NPAS3: variants seen among roughly 807,000 people sequenced by gnomAD.
The protein encoded by NPAS3 is neuronal PAS domain-containing protein 3.
In NPAS3, 14 loss-of-function variants were observed where a neutral mutation model predicts 73.1. The ratio of observed to expected loss-of-function variants is 0.19; its 90% CI spans 0.13 to 0.30. The LOEUF is 0.30. Among genes scored for constraint, NPAS3 ranks in the 10% least tolerant of loss-of-function variants. The probability of loss-of-function intolerance (pLI) is 1.00; values close to 1 mark genes in which losing one functional copy is unlikely to be tolerated. For missense variants in NPAS3, 1,096 were observed against 1,250.0 expected (o/e 0.88, Z 1.86); for synonymous variants, 620 against 541.5 (o/e 1.14, Z -2.01).
chr14:32,938,464 AGAGAGAGAGAGAGAGAGAAATT>A (rs1566779112), upstream of NPAS3, among the ~76,000 whole-genome samples: 12 of 78,776 alleles, frequency 1.5e-4, 1 homozygote, highest in African/African-American at 3.2e-4. Flanking sequence ...AGAAAGAGAG[AGAGAGAGAGAGAGAGAGAAATT>A]GAGAGAGAGA....
chr14:33,509,448 G>A (rs1376084487), intron 4 of NPAS3, among the ~76,000 whole-genome samples: 3 of 151,988 alleles, frequency 2.0e-5, no homozygotes. Flanking sequence ...AAAGCAGACA[G>A]ATCTAAGACC....
At chr14:33,313,657 G>A (rs1238167869) in intron 3 of NPAS3, among the ~76,000 whole-genome samples, 8 of 152,050 alleles carry the variant, frequency 5.3e-5, no homozygotes, top group Non-Finnish European at 1.2e-4. Flanking sequence ...GAGGCCAATT[G>A]AAATTATTTG....
At position 33,158,888 on chromosome 14, in the gene NPAS3, C is replaced by T. The variant is rs116301346; in HGVS notation, c.141-56294C>T. Among the ~76,000 whole-genome samples, 1,275 of 152,280 alleles carry T rather than the reference C, an allele frequency of 8.4e-3. 13 individuals are homozygous for T. The highest frequency in any genetic ancestry group is 0.028 in the African/African-American group (1,173 of 41,544). ...CTCTTTTACAAAATTACTGGCCGGG[C>T]GCAGTGGCTAATGCCTGTAATCCCA... On this transcript the variant is annotated intron_variant, in intron 2 of 11. Coordinates refer to ENST00000356141, the Ensembl canonical transcript of NPAS3.
intron 5 of NPAS3, among the ~76,000 whole-genome samples, chr14:33,573,745 AAAGTGC>A (rs1191842169): frequency 6.6e-6 from 1 of 152,190 alleles, no homozygotes; most frequent in African/African-American, 2.4e-5. Context: ...TTTAAAGGGA[AAAGTGC>A]AATATTAGAT....
At chr14:33,680,317 T>G (rs1473117281) in intron 6 of NPAS3, among the ~76,000 whole-genome samples, 1 of 152,194 alleles carries the variant, frequency 6.6e-6, no homozygotes, top group Non-Finnish European at 1.5e-5. Flanking sequence ...TTCTCTATAT[T>G]AGGCTGTAAA....
intron 2 of NPAS3, among the ~76,000 whole-genome samples, chr14:33,203,468 C>A (rs1411242666): frequency 6.6e-6 from 1 of 152,104 alleles, no homozygotes; most frequent in Admixed American, 6.5e-5. Context: ...CTATCCCTCC[C>A]CACTCCCCAC....
chr14:33,084,010 T>C (rs988471609), intron 2 of NPAS3, among the ~76,000 whole-genome samples: 2 of 152,178 alleles, frequency 1.3e-5, no homozygotes, highest in South Asian at 4.1e-4. Flanking sequence ...AATGAGAAAT[T>C]TGGAAATTTG....
intron 1 of NPAS3, among the ~76,000 whole-genome samples, chr14:33,032,760 C>T (rs932191530): frequency 2.0e-5 from 3 of 152,238 alleles, no homozygotes; most frequent in African/African-American, 7.2e-5. Flanking sequence ...TGTGACACTT[C>T]TCCACACCCT....
intron 4 of NPAS3, among the ~76,000 whole-genome samples, chr14:33,559,231 CAG>C (rs1452408508): frequency 6.6e-6 from 1 of 152,094 alleles, no homozygotes; most frequent in African/African-American, 2.4e-5. Flanking sequence ...AAAACTTTAA[CAG>C]AGAGTTTTGC....
At chr14:33,386,606 T>C (rs1428724806) in intron 4 of NPAS3, among the ~76,000 whole-genome samples, 1 of 152,158 alleles carries the variant, frequency 6.6e-6, no homozygotes, top group African/African-American at 2.4e-5. Context: ...AGATTCGTGA[T>C]GTTTGTTCTT....
intron 5 of NPAS3, among the ~76,000 whole-genome samples, chr14:33,620,693 A>C (rs7152237): frequency 0.012 from 1,843 of 152,346 alleles, 42 homozygotes; most frequent in African/African-American, 0.041. Flanking sequence ...ATAATGCACC[A>C]AATATATGTT....
At chr14:33,264,274 G>C (rs1226134185) in intron 3 of NPAS3, among the ~76,000 whole-genome samples, 3 of 152,012 alleles carry the variant, frequency 2.0e-5, no homozygotes, top group Admixed American at 2.0e-4. Flanking sequence ...GCCTGTTGTG[G>C]GGTAGGGGGA....
At chr14:33,287,814 G>A (rs1262708368) in intron 3 of NPAS3, among the ~76,000 whole-genome samples, 1 of 152,142 alleles carries the variant, frequency 6.6e-6, no homozygotes, top group Admixed American at 6.5e-5. Context: ...AACTAGTTAA[G>A]GTTGAAATAT....
At chr14:33,595,066 G>T (rs1430738369) in intron 5 of NPAS3, among the ~76,000 whole-genome samples, 2 of 152,180 alleles carry the variant, frequency 1.3e-5, no homozygotes, top group Admixed American at 6.5e-5. Context: ...CTGATTAGAA[G>T]TTAAAATATA....
chr14:33,434,849 A>T (rs1034722439), intron 4 of NPAS3, among the ~76,000 whole-genome samples: 4 of 152,234 alleles, frequency 2.6e-5, no homozygotes, highest in African/African-American at 9.6e-5. Flanking sequence ...AATATTCTTC[A>T]GTAGATGATG....
intron 4 of NPAS3, among the ~76,000 whole-genome samples, chr14:33,542,374 G>A (rs1279891519): frequency 1.3e-5 from 2 of 152,092 alleles, no homozygotes; most frequent in Non-Finnish European, 2.9e-5. Context: ...TCCCACCCCA[G>A]TTATCCACAC....
At chr14:33,153,700 C>T (rs772721553) in intron 2 of NPAS3, among the ~76,000 whole-genome samples, 6 of 152,176 alleles carry the variant, frequency 3.9e-5, no homozygotes, top group Non-Finnish European at 5.9e-5. Flanking sequence ...TTCATACAAT[C>T]GTCTTTATTT....
intron 3 of NPAS3, among the ~76,000 whole-genome samples, chr14:33,307,006 T>C (rs2042779579): frequency 6.6e-6 from 1 of 152,190 alleles, no homozygotes; most frequent in African/African-American, 2.4e-5. Flanking sequence ...CCTTCCAGGC[T>C]GAATAATCTC....
At chr14:33,523,703 C>T (rs1020328990) in intron 4 of NPAS3, among the ~76,000 whole-genome samples, 3 of 150,046 alleles carry the variant, frequency 2.0e-5, no homozygotes, top group African/African-American at 7.4e-5. Context: ...TGGCTTGAAC[C>T]CAAGTTGCAG....
Sources: allele counts gnomAD v4.1 joint callset (sites outside exome capture counted in the v4.1 genomes callset), GRCh38; gene constraint gnomAD v4.1.1; transcripts MANE v1.5; gene names NCBI Gene and HGNC (gene_info 2026-07-23, HGNC 2026-07-21).